Variants in VWF observed in about 807,000 individuals in gnomAD.
The protein encoded by VWF is Factor VIII related antigen.
A neutral mutation model predicts 308.6 loss-of-function variants in VWF; 176 were observed. That is an observed-to-expected ratio of 0.57 (90% confidence interval 0.50 to 0.65). The LOEUF is 0.65. VWF is among the 30% of genes least tolerant of loss of function. The pLI is 0.00. For missense variants in VWF, 3,146 were observed against 3,648.2 expected (o/e 0.86, Z 3.55); for synonymous variants, 1,385 against 1,443.4 (o/e 0.96, Z 0.92).
In VWF at chr12:6,116,448, A is replaced by G. The variant is rs114627782; in HGVS notation, c.220+4726T>C. Among the ~76,000 whole-genome samples the G allele has an allele frequency of 5.1e-3, 777 of 152,306 alleles. 6 individuals carry two copies. Among genetic ancestry groups the G allele is most frequent in the African/African-American group, 0.018 (747 of 41,566 alleles). On this transcript the variant is annotated intron_variant, in intron 3 of 51. Transcript: ENST00000261405. ...ATTTCCACTAAACACTCTACCTTCTATGCCCGTGATTCTGGTGCAGGTGAC... is the reference window on the plus strand; with the variant it reads ...ATTTCCACTAAACACTCTACCTTCTGTGCCCGTGATTCTGGTGCAGGTGAC...
In VWF at chr12:5,966,276, TAC is replaced by T. The variant is rs10657127; in HGVS notation, c.7887+1208_7887+1209del. On this transcript the variant is annotated intron_variant, in intron 47 of 51. Coordinates refer to ENST00000261405, the MANE Select transcript of VWF (RefSeq NM_000552.5). ...GTGTTCTAGGAGGGTTGTTACACAA[TAC>T]ACACACACACACGCACACACACACG... Among the ~76,000 whole-genome samples the T allele has an allele frequency of 3.1e-3, 475 of 151,138 alleles. 3 individuals are homozygous for T. The highest frequency in any genetic ancestry group is 0.011 in the African/African-American group (455 of 41,206).
chr12:6,029,087 CAA>C (rs71445694), intron 22 of VWF, among the ~76,000 whole-genome samples: 9 of 130,414 alleles, frequency 6.9e-5, no homozygotes, highest in Admixed American at 7.8e-5. Context: ...AAATGGAAGG[CAA>C]AAAAAAAAAA....
At chr12:6,022,236 A>G (rs1480972002) in intron 26 of VWF, among the ~76,000 whole-genome samples, 1 of 151,908 alleles carries the variant, frequency 6.6e-6, no homozygotes, top group Non-Finnish European at 1.5e-5. Context: ...CAAAACTGGG[A>G]GCGGGGATTC....
chr12:5,959,284 C>T (rs1289700655), intron 47 of VWF, among the ~76,000 whole-genome samples: 2 of 151,958 alleles, frequency 1.3e-5, no homozygotes, highest in African/African-American at 4.8e-5. Context: ...CATAAGAATG[C>T]TTAAGAGGGA....
chr12:6,038,530 C>CGTT (rs1944362336), intron 18 of VWF, among the ~76,000 whole-genome samples: 3 of 1,584 alleles, frequency 1.9e-3, no homozygotes, highest in African/African-American at 4.5e-3. Flanking sequence ...ACCCACCATG[C>CGTT]CTCCTGTCAC....
At chr12:6,100,438 C>T (rs528062809) in intron 5 of VWF, among the ~76,000 whole-genome samples, 1 of 150,356 alleles carries the variant, frequency 6.7e-6, no homozygotes, top group East Asian at 1.9e-4. Flanking sequence ...AAGACACATG[C>T]ACACGTGTGT....
intron 34 of VWF, among the ~76,000 whole-genome samples, chr12:5,998,238 C>T (rs1325376163): frequency 6.6e-6 from 1 of 151,588 alleles, no homozygotes; most frequent in African/African-American, 2.4e-5. Flanking sequence ...GTGGCTCATA[C>T]CTGTAATCTC....
intron 16 of VWF, among the ~76,000 whole-genome samples, chr12:6,048,635 G>C (rs563321850): frequency 6.6e-6 from 1 of 152,026 alleles, no homozygotes; most frequent in East Asian, 1.9e-4. Flanking sequence ...GCTAATTTTT[G>C]TATGTTTAGT....
At chr12:5,957,218 G>A (rs1326310762) in intron 47 of VWF, among the ~76,000 whole-genome samples, 3 of 152,092 alleles carry the variant, frequency 2.0e-5, no homozygotes, top group Non-Finnish European at 2.9e-5. Flanking sequence ...CTGGATTTGC[G>A]TATGTGCACT....
intron 24 of VWF, among the ~76,000 whole-genome samples, chr12:6,025,037 A>AAG (rs1555195446): frequency 1.7e-3 from 257 of 149,308 alleles, no homozygotes; most frequent in Middle Eastern, 7.0e-3. Flanking sequence ...AAAAAAAAAA[A>AAG]AGAGAGAGAC....
At chr12:6,108,421 A>G (rs891580612) in intron 5 of VWF, among the ~76,000 whole-genome samples, 5 of 151,588 alleles carry the variant, frequency 3.3e-5, no homozygotes, top group African/African-American at 1.2e-4. Context: ...CCACCATTAT[A>G]GAAAAATTTA....
Position 6,058,438 on chromosome 12 carries a change from A to T in VWF, c.1534-394T>A, listed in dbSNP as rs1944616904. Among the ~76,000 whole-genome samples, 1 of 152,158 alleles carries T rather than the reference A, an allele frequency of 6.6e-6. No individual in the cohort carries two copies. The highest frequency in any genetic ancestry group is 1.5e-5 in the Non-Finnish European group (1 of 68,026). On this transcript the variant is annotated intron_variant, in intron 13 of 51. Coordinates refer to ENST00000261405, the MANE Select transcript of VWF (RefSeq NM_000552.5). This position sits in a 1 kb window ranked among gnomAD's most constrained non-coding sequence, Gnocchi z 4.9. The stretch of plus-strand genomic sequence containing the variant: ...GCACTCTGCCCTCTGTGCCATCCAC[A>T]CCAGTGGGCCTGACCCCCCCACCCA...
chr12:6,110,788 A>C, intron 4 of VWF, 78 bp downstream of exon 4: 1 of 1,494,942 alleles, frequency 6.7e-7, no homozygotes, highest in East Asian at 2.3e-5. Flanking sequence ...TCTGGGCCCC[A>C]GCTTCCTCAT....
Position 6,124,504 on chromosome 12 carries a change from C to A in VWF, c.-84G>T. The A allele has an allele frequency of 6.5e-6, 1 of 152,742 alleles. No homozygotes were observed. The highest frequency in any genetic ancestry group is 1.5e-5 in the Non-Finnish European group (1 of 68,360). 9.5% of individuals were successfully genotyped at this position (152,742 alleles called of 1,614,324 possible). A position where few individuals can be genotyped will look rare whatever the true frequency, so the allele number is the denominator to read the frequency against. ...GGACAATGGTGCCGCCCACCCTAGG[C>A]CATGCTCTCAGCTGCTGCAAAGGCT... is the stretch of plus-strand genomic sequence containing the variant. On this transcript the variant is annotated 5_prime_UTR_variant, in exon 1 of 52. Coordinates refer to ENST00000261405, the MANE Select transcript of VWF (RefSeq NM_000552.5).
Position 5,952,309 on chromosome 12 carries a change from C to T in VWF, c.8115+82G>A, listed in dbSNP as rs1367843953. On this transcript the variant is annotated intron_variant, in intron 49 of 51. Coordinates refer to ENST00000261405, the MANE Select transcript of VWF (RefSeq NM_000552.5). ...TGCCTCAGACACTGAGAAATTATGC[C>T]GGAGCTGGGATGCACACTATTCAGA... 2.6e-5 allele frequency: 42 copies of T among 1,587,088 alleles called. No homozygotes were observed. In the East Asian group the frequency reaches 7.0e-4, roughly 26 times the overall value.
intron 13 of VWF, 37 bp downstream of exon 13, chr12:6,062,916 CG>C: frequency 6.4e-7 from 1 of 1,552,966 alleles, no homozygotes; most frequent in Non-Finnish European, 8.8e-7. Context: ...TTGTAAGGGT[CG>C]GGCCGCAGGG....
chr12:5,964,043 T>TAA (rs770305950), intron 47 of VWF, among the ~76,000 whole-genome samples: 1 of 151,782 alleles, frequency 6.6e-6, no homozygotes, highest in Non-Finnish European at 1.5e-5. Flanking sequence ...CCGTCTCTAC[T>TAA]AAAAATACAA....
intron 3 of VWF, among the ~76,000 whole-genome samples, chr12:6,111,468 G>A (rs1241018335): frequency 6.6e-6 from 1 of 152,092 alleles, no homozygotes; most frequent in Non-Finnish European, 1.5e-5. Context: ...TGCCTCCTGG[G>A]CCCAGGTTAT....
chr12:5,977,331 T>G (rs759812372), intron 42 of VWF, among the ~76,000 whole-genome samples: 2 of 152,240 alleles, frequency 1.3e-5, no homozygotes, highest in Admixed American at 1.3e-4. Flanking sequence ...GCAACTCAAA[T>G]GTCCACCAAT....
Sources: allele counts gnomAD v4.1 joint callset (sites outside exome capture counted in the v4.1 genomes callset), GRCh38; gene constraint gnomAD v4.1.1; non-coding constraint Gnocchi (gnomAD v3.1); transcripts MANE v1.5; gene names NCBI Gene and HGNC (gene_info 2026-07-23, HGNC 2026-07-21).